FTCDNL1: variants seen among roughly 807,000 people sequenced by gnomAD.
The protein encoded by FTCDNL1 is formiminotransferase cyclodeaminase N-terminal like.
Under a neutral mutation model 5.9 loss-of-function variants are expected in FTCDNL1, and 11 were observed. The ratio of observed to expected loss-of-function variants is 1.87; its 90% CI spans 1.18 to 3.10. The LOEUF is 3.10. Ranked by LOEUF, FTCDNL1 falls within the 30% of genes most tolerant of loss-of-function variation. The pLI is 0.00. For synonymous variants in FTCDNL1, 58 were observed against 24.8 expected (o/e 2.34, Z -3.99); for missense variants, 115 against 65.5 (o/e 1.76, Z -2.61).
At chr2:199,788,577 C>T (rs2106352767) in intron 3 of FTCDNL1, among the ~76,000 whole-genome samples, 1 of 151,518 alleles carries the variant, frequency 6.6e-6, no homozygotes, top group South Asian at 2.1e-4. Flanking sequence ...TTATTGTTTG[C>T]TATTACAAAA....
chr2:199,745,766 A>G, the FTCDNL1 span, among the ~76,000 whole-genome samples: 1 of 152,220 alleles, frequency 6.6e-6, no homozygotes, highest in African/African-American at 2.4e-5. Context: ...AAAAGCAACC[A>G]GGGTCGTGAC....
intron 3 of FTCDNL1, among the ~76,000 whole-genome samples, chr2:199,827,792 C>T (rs1041278248): frequency 6.6e-6 from 1 of 152,156 alleles, no homozygotes; most frequent in East Asian, 1.9e-4. Flanking sequence ...TTCCCTTTTG[C>T]AAGCCTAAGC....
chr2:199,753,891 A>G, the FTCDNL1 span, among the ~76,000 whole-genome samples: 1 of 152,234 alleles, frequency 6.6e-6, no homozygotes, highest in African/African-American at 2.4e-5. Context: ...AAGGGAATTT[A>G]ACACTCTTAC....
the FTCDNL1 span, among the ~76,000 whole-genome samples, chr2:199,728,106 A>G: frequency 6.6e-6 from 1 of 152,232 alleles, no homozygotes; most frequent in African/African-American, 2.4e-5. Context: ...TCTCAGTTGA[A>G]GAAGAATTCT....
chr2:199,665,872 A>G, the FTCDNL1 span, among the ~76,000 whole-genome samples: 1 of 129,796 alleles, frequency 7.7e-6, no homozygotes, highest in African/African-American at 3.0e-5. Flanking sequence ...TTACCTCATA[A>G]CTAACTAATG....
chr2:199,847,831 T>G (rs141312340), intron 2 of FTCDNL1, among the ~76,000 whole-genome samples: 4 of 152,174 alleles, frequency 2.6e-5, no homozygotes, highest in Admixed American at 6.5e-5. Flanking sequence ...ACAAAAAGCA[T>G]GCAAAATCAC....
At chr2:199,731,591 A>G in the FTCDNL1 span, among the ~76,000 whole-genome samples, 1 of 152,218 alleles carries the variant, frequency 6.6e-6, no homozygotes, top group Non-Finnish European at 1.5e-5. Flanking sequence ...GAGAATTAAG[A>G]GCTAATAAAT....
At chr2:199,736,161 C>T in the FTCDNL1 span, among the ~76,000 whole-genome samples, 1 of 152,174 alleles carries the variant, frequency 6.6e-6, no homozygotes, top group Admixed American at 6.5e-5. Context: ...CTCCAAGCTT[C>T]CAGGCACTTA....
the FTCDNL1 span, among the ~76,000 whole-genome samples, chr2:199,710,356 A>G: frequency 7.2e-5 from 11 of 152,272 alleles, no homozygotes; most frequent in East Asian, 2.1e-3. Context: ...GCTGTTGGTC[A>G]TGAGTTCAGT....
chr2:199,687,810 G>A, the FTCDNL1 span, among the ~76,000 whole-genome samples: 3 of 152,120 alleles, frequency 2.0e-5, no homozygotes, highest in African/African-American at 7.2e-5. Flanking sequence ...CTTAGAACCA[G>A]ACATTGTCTA....
intron 3 of FTCDNL1, among the ~76,000 whole-genome samples, chr2:199,793,489 A>G (rs1290725804): frequency 6.6e-6 from 1 of 152,202 alleles, no homozygotes; most frequent in Non-Finnish European, 1.5e-5. Flanking sequence ...GAATAAAAGT[A>G]TTTTGAAGTT....
chr2:199,746,074 A>G, the FTCDNL1 span, among the ~76,000 whole-genome samples: 3 of 152,174 alleles, frequency 2.0e-5, no homozygotes, highest in East Asian at 5.8e-4. Flanking sequence ...CCTTTATCAT[A>G]TTCATAAATG....
chr2:199,823,775 C>T (rs1310984083), intron 3 of FTCDNL1, among the ~76,000 whole-genome samples: 4 of 152,082 alleles, frequency 2.6e-5, no homozygotes, highest in African/African-American at 9.7e-5. Flanking sequence ...TCCTAAAGGC[C>T]CTTGGATTTT....
At chr2:199,797,873 G>A (rs1700248497) in intron 3 of FTCDNL1, among the ~76,000 whole-genome samples, 1 of 152,164 alleles carries the variant, frequency 6.6e-6, no homozygotes. Flanking sequence ...TGCTTAAAGA[G>A]TTTACAAGTA....
chr2:199,776,133 C>T (rs1045305291), intron 3 of FTCDNL1, among the ~76,000 whole-genome samples: 11 of 152,064 alleles, frequency 7.2e-5, no homozygotes, highest in African/African-American at 2.7e-4. Flanking sequence ...AGGATGGTCT[C>T]AATCTCCTGA....
chr2:199,711,899 A>T, the FTCDNL1 span, among the ~76,000 whole-genome samples: 1 of 152,194 alleles, frequency 6.6e-6, no homozygotes, highest in Non-Finnish European at 1.5e-5. Context: ...AGCCAGCCCA[A>T]GAAAAGTCTA....
the FTCDNL1 span, among the ~76,000 whole-genome samples, chr2:199,675,618 G>A: frequency 9.9e-5 from 15 of 152,106 alleles, no homozygotes; most frequent in African/African-American, 2.7e-4. Context: ...TGACTCCATC[G>A]TCCTTCTGTC....
At chr2:199,735,062 C>T in the FTCDNL1 span, among the ~76,000 whole-genome samples, 4 of 134,760 alleles carry the variant, frequency 3.0e-5, no homozygotes, top group Non-Finnish European at 6.1e-5. Context: ...CTTCAGAAGA[C>T]GAGAATGTTC....
At chr2:199,795,297 G>C (rs1700118635) in intron 3 of FTCDNL1, among the ~76,000 whole-genome samples, 2 of 152,150 alleles carry the variant, frequency 1.3e-5, no homozygotes, top group Non-Finnish European at 2.9e-5. Context: ...CTGAATACAG[G>C]ATGGCTAGAG....
Sources: allele counts gnomAD v4.1 joint callset (sites outside exome capture counted in the v4.1 genomes callset), GRCh38; gene constraint gnomAD v4.1.1; transcripts MANE v1.5; gene names NCBI Gene and HGNC (gene_info 2026-07-23, HGNC 2026-07-21).